The following GRID2 variants were observed in gnomAD, a reference collection of about 807,000 sequenced individuals.
GRID2 encodes glutamate ionotropic receptor delta type subunit 2.
In GRID2, 33 loss-of-function variants were observed where a neutral mutation model predicts 114.8. That is an observed-to-expected ratio of 0.29 (90% CI 0.22 to 0.38). The LOEUF is 0.38. GRID2 is among the 10% of genes least tolerant of loss of function. GRID2 has a pLI of 1.00. For synonymous variants in GRID2, 505 were observed against 449.9 expected, an observed-to-expected ratio of 1.12 and a Z score of -1.55; for missense variants, 1,184 against 1,257.7, an observed-to-expected ratio of 0.94 and a Z score of 0.89.
intron 2 of GRID2, among the ~76,000 whole-genome samples, chr4:92,863,822 C>T (rs182436956): frequency 5.4e-4 from 82 of 151,986 alleles, no homozygotes; most frequent in Non-Finnish European, 9.1e-4. Flanking sequence ...GTTATGGTGC[C>T]CTGAGATCAT....
intron 2 of GRID2, among the ~76,000 whole-genome samples, chr4:92,772,509 G>T (rs1322681414): frequency 1.3e-5 from 2 of 152,018 alleles, no homozygotes; most frequent in African/African-American, 4.8e-5. Context: ...GAAAACATAT[G>T]CTCTGTGTTA....
chr4:92,918,555 G>A, intron 2 of GRID2, among the ~76,000 whole-genome samples: 1 of 152,152 alleles, frequency 6.6e-6, no homozygotes, highest in East Asian at 1.9e-4. Context: ...AGAGTTTTTA[G>A]CATGAAGGGT....
At chr4:93,603,309 GCAA>G (rs750389097) in intron 13 of GRID2, among the ~76,000 whole-genome samples, 1 of 152,182 alleles carries the variant, frequency 6.6e-6, no homozygotes, top group Non-Finnish European at 1.5e-5. Context: ...CAAACCAGCT[GCAA>G]CAACATTCCC....
intron 1 of GRID2, among the ~76,000 whole-genome samples, chr4:92,371,572 A>G (rs2110219211): frequency 6.6e-6 from 1 of 152,312 alleles, no homozygotes; most frequent in Non-Finnish European, 1.5e-5. Flanking sequence ...TGAATTTTTA[A>G]GCTCACTGTT....
chr4:93,041,717 G>GA (rs1324890879), intron 2 of GRID2, among the ~76,000 whole-genome samples: 1 of 151,898 alleles, frequency 6.6e-6, no homozygotes, highest in Admixed American at 6.6e-5. Context: ...CAAAACTCCT[G>GA]AAAAAATCAC....
chr4:92,800,194 T>C (rs1740085571), intron 2 of GRID2, among the ~76,000 whole-genome samples: 1 of 151,842 alleles, frequency 6.6e-6, no homozygotes, highest in Non-Finnish European at 1.5e-5. Flanking sequence ...GAATACTATA[T>C]TTTTTCTAAA....
chr4:92,996,407 C>T (rs909716326), intron 2 of GRID2, among the ~76,000 whole-genome samples: 3 of 152,102 alleles, frequency 2.0e-5, no homozygotes, highest in African/African-American at 7.2e-5. Flanking sequence ...TTTGCCCAAG[C>T]ACTCACGTGT....
chr4:92,384,457 TA>T (rs1402597726), intron 1 of GRID2, among the ~76,000 whole-genome samples: 1 of 59,816 alleles, frequency 1.7e-5, no homozygotes, highest in Non-Finnish European at 2.9e-5. Flanking sequence ...TATATATATA[TA>T]TATATATATA....
At chr4:93,385,913 C>T (rs1036198978) in intron 8 of GRID2, among the ~76,000 whole-genome samples, 19 of 152,058 alleles carry the variant, frequency 1.2e-4, no homozygotes, top group Admixed American at 1.3e-4. Context: ...AAATATCTTC[C>T]TTTCTCTATG....
rs145122863 is a variant in GRID2 at position 93,712,521 on chromosome 4, T to A, written c.2361-56689T>A. ...TCTTAAAAATCAAAATAATTTTAAA[T>A]AATTGATTATTCATGTAATTATTTA... is the stretch of plus-strand genomic sequence containing the variant. On this transcript the variant is annotated intron_variant, in intron 14 of 15. Transcript: ENST00000282020. Among the ~76,000 whole-genome samples the A allele has an allele frequency of 5.3e-3, 813 of 152,298 alleles. 7 individuals carry two copies. Among genetic ancestry groups the A allele is most frequent in the African/African-American group, 0.019 (770 of 41,566 alleles).
intron 2 of GRID2, among the ~76,000 whole-genome samples, chr4:92,849,330 G>T (rs1743583357): frequency 6.6e-6 from 1 of 151,854 alleles, no homozygotes; most frequent in Non-Finnish European, 1.5e-5. Context: ...CTGGGAGATG[G>T]TGGAATGTAT....
At chr4:92,642,600 T>C (rs1469116633) in intron 2 of GRID2, among the ~76,000 whole-genome samples, 4 of 151,816 alleles carry the variant, frequency 2.6e-5, no homozygotes, top group African/African-American at 9.7e-5. Flanking sequence ...ACTCTGTTTA[T>C]AGTCTTTTTG....
intron 14 of GRID2, among the ~76,000 whole-genome samples, chr4:93,711,907 G>A (rs976077728): frequency 1.3e-5 from 2 of 152,174 alleles, no homozygotes; most frequent in African/African-American, 4.8e-5. Context: ...TTTCTTGTGT[G>A]GATAGTTGTA....
chr4:93,084,939 A>G, intron 2 of GRID2, 56 bp from the exon 3 acceptor site: 1 of 1,421,750 alleles, frequency 7.0e-7, no homozygotes, highest in Non-Finnish European at 9.8e-7. Context: ...CTTCTCAAAA[A>G]GGGAAAACTA....
intron 8 of GRID2, among the ~76,000 whole-genome samples, chr4:93,258,115 A>C (rs1333436373): frequency 6.6e-6 from 1 of 151,296 alleles, no homozygotes; most frequent in East Asian, 1.9e-4. Context: ...CAGACCATAC[A>C]TTAAAAAATT....
At position 92,533,192 on chromosome 4, in the gene GRID2, G is replaced by GTTT. The variant is rs146847345; in HGVS notation, c.89-56933_89-56931dup. ...CTGCACAACTTTGGTGTGTTTTTTT[G>GTTT]TTTTTTTTGTTTTTTTTTTGAGAAA... On this transcript the variant is annotated intron_variant, in intron 1 of 15. Transcript: ENST00000282020. 4.0e-4 allele frequency among the ~76,000 whole-genome samples: 59 copies of GTTT among 148,160 alleles called. No homozygotes were observed. The South Asian group carries it at 5.3e-3, about 13-fold the overall frequency.
chr4:93,389,018 G>A, intron 8 of GRID2, among the ~76,000 whole-genome samples: 1 of 152,086 alleles, frequency 6.6e-6, no homozygotes, highest in Non-Finnish European at 1.5e-5. Context: ...TTGTTTAGGA[G>A]TAAAGATCTA....
intron 2 of GRID2, among the ~76,000 whole-genome samples, chr4:92,981,791 A>G (rs560854204): frequency 4.6e-5 from 7 of 152,110 alleles, no homozygotes; most frequent in Admixed American, 2.0e-4. Flanking sequence ...TCAATACAAT[A>G]TAGAGACTAA....
chr4:92,859,862 G>A (rs550787857), intron 2 of GRID2, among the ~76,000 whole-genome samples: 5 of 152,168 alleles, frequency 3.3e-5, no homozygotes, highest in African/African-American at 1.2e-4. Context: ...TTCATTGTGG[G>A]CATTTGTTCT....
Sources: allele counts gnomAD v4.1 joint callset (sites outside exome capture counted in the v4.1 genomes callset), GRCh38; gene constraint gnomAD v4.1.1; transcripts MANE v1.5; gene names NCBI Gene and HGNC (gene_info 2026-07-23, HGNC 2026-07-21).